PARD3B: variants seen among roughly 807,000 people sequenced by gnomAD.
PARD3B encodes par-3 family cell polarity regulator beta, also known as partitioning defective 3 homolog B.
A neutral mutation model predicts 130.2 loss-of-function variants in PARD3B; 103 were observed. That is an observed-to-expected ratio of 0.79 (90% CI 0.67 to 0.93). The LOEUF (loss-of-function observed/expected upper bound fraction) is 0.93, where lower values mean the gene tolerates loss of function less well. Ranked by LOEUF, PARD3B falls within the 40% of genes least tolerant of loss-of-function variation. The probability of loss-of-function intolerance (pLI) is 0.00; values close to 1 mark genes in which losing one functional copy is unlikely to be tolerated. For missense variants in PARD3B, 1,609 were observed against 1,499.2 expected, an observed-to-expected ratio of 1.07 and a Z score of -1.21; for synonymous variants, 583 against 553.2, an observed-to-expected ratio of 1.05 and a Z score of -0.76.
At chr2:205,608,801 AAAG>A (rs2055117450) in intron 22 of PARD3B, among the ~76,000 whole-genome samples, 1 of 152,252 alleles carries the variant, frequency 6.6e-6, no homozygotes, top group African/African-American at 2.4e-5. Context: ...GTTTAAAAAA[AAAG>A]AAGGAATTAA....
chr2:205,017,410 A>C (rs1245297171), intron 3 of PARD3B, among the ~76,000 whole-genome samples: 1 of 152,020 alleles, frequency 6.6e-6, no homozygotes, highest in Non-Finnish European at 1.5e-5. Context: ...TTGCCCCCCC[A>C]TTCCTTTTCT....
chr2:205,440,766 C>A lies in PARD3B; in HGVS notation c.3044+94C>A. 7.7e-7 allele frequency: 1 copy of A among 1,301,164 alleles called. No individual in the cohort carries two copies. Among genetic ancestry groups the A allele is most frequent in the South Asian group, 1.5e-5 (1 of 68,686 alleles). The allele number at this position is 1,301,164 out of a possible 1,614,324, so 80.6% of individuals were successfully genotyped here. ...ACCGATAAAAAATGTCTCCTTCAAT[C>A]AATTAAAACTGAAACGAGTCAGTAC... On this transcript the variant is annotated intron_variant, in intron 20 of 22. Coordinates refer to ENST00000406610, the MANE Select transcript of PARD3B (RefSeq NM_001302769.2). The surrounding 1 kb of genome is among the most constrained non-coding windows in gnomAD (Gnocchi z 4.2).
At chr2:205,192,989 A>G (rs1458306466) in intron 14 of PARD3B, among the ~76,000 whole-genome samples, 1 of 152,228 alleles carries the variant, frequency 6.6e-6, no homozygotes, top group East Asian at 1.9e-4. Context: ...TATTGCCCAG[A>G]GAATATTTTA....
At chr2:205,124,549 ATATATT>A (rs2125629405) in intron 9 of PARD3B, 83 bp downstream of exon 9, 3 of 972,554 alleles carry the variant, frequency 3.1e-6, no homozygotes, top group South Asian at 8.4e-5. Flanking sequence ...ATATATGTAA[ATATATT>A]AATATTTTTA....
rs941907645 is a variant in PARD3B, at chr2:205,142,716, A to G, written c.1435-16006A>G. Reference sequence around the variant, plus strand: ...AACATGGTGAAACCCCGTCTCTACTAAAAATACAAAAATTAGCCAGGCGTG... The same window carrying G: ...AACATGGTGAAACCCCGTCTCTACTGAAAATACAAAAATTAGCCAGGCGTG... On this transcript the variant is annotated intron_variant, in intron 10 of 22. Transcript: ENST00000406610. The surrounding 1 kb of genome is among the most constrained non-coding windows in gnomAD (Gnocchi z 4.3). Among the ~76,000 whole-genome samples, 2 of 151,976 alleles carry G rather than the reference A, an allele frequency of 1.3e-5. No individual in the cohort carries two copies. The highest frequency in any genetic ancestry group is 3.9e-4 in the East Asian group (2 of 5,172).
chr2:204,567,946 A>G (rs1574474744), intron 1 of PARD3B, among the ~76,000 whole-genome samples: 1 of 152,242 alleles, frequency 6.6e-6, no homozygotes, highest in Non-Finnish European at 1.5e-5. Context: ...CCATCTTTAA[A>G]TATAAAAAGT....
intron 2 of PARD3B, among the ~76,000 whole-genome samples, chr2:204,808,554 G>A (rs1235958659): frequency 1.3e-5 from 2 of 151,980 alleles, no homozygotes; most frequent in Non-Finnish European, 2.9e-5. Context: ...TCATCATTTA[G>A]CTCCCAATTA....
chr2:204,701,147 A>G lies in PARD3B; in HGVS notation c.222+14865A>G, dbSNP rs79057746. The stretch of plus-strand genomic sequence containing the variant: ...TTTATTCTTTGAAAGATGATTTTCA[A>G]TATGTATTTGGCCCATCCTTGTTTG... On this transcript the variant is annotated intron_variant, in intron 2 of 22. Coordinates refer to ENST00000406610, the MANE Select transcript of PARD3B (RefSeq NM_001302769.2). Among the ~76,000 whole-genome samples, 1,952 of 152,152 alleles carry G rather than the reference A, an allele frequency of 0.013. 73 individuals carry two copies. The East Asian group carries it at 0.14, about 11-fold the overall frequency.
Position 204,678,395 on chromosome 2 carries a change from G to T in PARD3B, c.121-7786G>T, listed in dbSNP as rs550381157. Among the ~76,000 whole-genome samples, 20 of 152,280 alleles carry T rather than the reference G, an allele frequency of 1.3e-4. No individual in the cohort carries two copies. The South Asian group carries it at 2.9e-3, about 22-fold the overall frequency. ...GGAGAGTCAGGGTGACATATACCCTGCCCTCTTGGTACCCGGGTTCTTGTC... is the reference window on the plus strand; with the variant it reads ...GGAGAGTCAGGGTGACATATACCCTTCCCTCTTGGTACCCGGGTTCTTGTC... On this transcript the variant is annotated intron_variant, in intron 1 of 22. Transcript: ENST00000406610. The surrounding 1 kb of genome is among the most constrained non-coding windows in gnomAD (Gnocchi z 4.2).
intron 1 of PARD3B, among the ~76,000 whole-genome samples, chr2:204,585,445 C>T (rs1220894000): frequency 2.0e-5 from 3 of 151,988 alleles, no homozygotes; most frequent in African/African-American, 4.8e-5. Flanking sequence ...GTGATCTTCC[C>T]ATCTCAGCCT....
intron 1 of PARD3B, among the ~76,000 whole-genome samples, chr2:204,607,174 A>G (rs778827528): frequency 9.2e-5 from 14 of 152,200 alleles, no homozygotes; most frequent in Non-Finnish European, 5.9e-5. Flanking sequence ...CCATAAATAT[A>G]TGATAATATT....
In PARD3B at chr2:205,281,690, G is replaced by A. The variant is rs760637851; in HGVS notation, c.2186-18840G>A. Among the ~76,000 whole-genome samples the A allele has an allele frequency of 1.3e-5, 2 of 152,164 alleles. No homozygotes were observed. Among genetic ancestry groups the A allele is most frequent in the Non-Finnish European group, 2.9e-5 (2 of 68,034 alleles). ...ACACTATATAACCTGCACTCGGAAG[G>A]CAGGCAACTGTTTTGTATCAATCAG... On this transcript the variant is annotated intron_variant, in intron 16 of 22. Coordinates refer to ENST00000406610, the MANE Select transcript of PARD3B (RefSeq NM_001302769.2). The surrounding 1 kb of genome is among the most constrained non-coding windows in gnomAD (Gnocchi z 4.2).
chr2:205,432,528 T>C (rs1232416878), intron 19 of PARD3B, among the ~76,000 whole-genome samples: 1 of 152,186 alleles, frequency 6.6e-6, no homozygotes, highest in East Asian at 1.9e-4. Context: ...CCTCAGGGGC[T>C]TTATATCTGC....
chr2:205,560,823 A>G (rs971255766), intron 22 of PARD3B, among the ~76,000 whole-genome samples: 1 of 152,228 alleles, frequency 6.6e-6, no homozygotes, highest in Non-Finnish European at 1.5e-5. Flanking sequence ...AGAAAGAGCA[A>G]CTTTAGAAGG....
intron 2 of PARD3B, among the ~76,000 whole-genome samples, chr2:204,756,758 T>C (rs1016823855): frequency 6.6e-5 from 10 of 152,274 alleles, no homozygotes; most frequent in South Asian, 6.2e-4. Context: ...TGAATGGATA[T>C]GGAATCCGAT....
At chr2:205,252,602 A>G (rs555413506) in intron 16 of PARD3B, among the ~76,000 whole-genome samples, 1 of 152,188 alleles carries the variant, frequency 6.6e-6, no homozygotes, top group Non-Finnish European at 1.5e-5. Flanking sequence ...TTCTGAGAAC[A>G]TGAAACATCA....
In PARD3B at chr2:205,195,551, A is replaced by G. The variant is rs1559009; in HGVS notation, c.2140+2231A>G. Among the ~76,000 whole-genome samples the G allele has an allele frequency of 6.2e-3, 940 of 152,332 alleles. 12 individuals carry two copies. The highest frequency in any genetic ancestry group is 0.021 in the African/African-American group (883 of 41,570). On this transcript the variant is annotated intron_variant, in intron 15 of 22. Transcript: ENST00000406610. ...TCAATATGAAATTCACTTAGGTGATACCGCAATGGTAAACATTTGAAAGTG... is the reference window on the plus strand; with the variant it reads ...TCAATATGAAATTCACTTAGGTGATGCCGCAATGGTAAACATTTGAAAGTG...
Position 205,617,492 on chromosome 2 carries a change from AGTATTCTGCTACC to A in PARD3B, c.*1680_*1692del, listed in dbSNP as rs2055472827. On this transcript the variant is annotated 3_prime_UTR_variant, in exon 23 of 23. Transcript: ENST00000406610. ...TACTCTTATCTTTTTAATTTAAAAT[AGTATTCTGCTACC>A]AAGAAGGATGCAACTGCTAGTTTTA... 1 of 152,240 alleles carries A rather than the reference AGTATTCTGCTACC, an allele frequency of 6.6e-6. No individual in the cohort carries two copies. The highest frequency in any genetic ancestry group is 1.5e-5 in the Non-Finnish European group (1 of 68,048). The allele number at this position is 152,240 out of a possible 1,614,324, so 9.4% of individuals were successfully genotyped here.
chr2:204,705,518 A>G (rs1444021424), intron 2 of PARD3B, among the ~76,000 whole-genome samples: 1 of 150,088 alleles, frequency 6.7e-6, no homozygotes, highest in Non-Finnish European at 1.5e-5. Context: ...AAGCATACAA[A>G]TATCTCTCAC....
Sources: gnomAD v4.1 joint callset for allele counts (sites outside exome capture counted in the v4.1 genomes callset) on GRCh38, gnomAD v4.1.1 for gene constraint, Gnocchi (gnomAD v3.1) non-coding constraint, MANE v1.5 for transcripts, NCBI Gene and HGNC (gene_info 2026-07-23, HGNC 2026-07-21) for gene names.